Variants in AKAP13 observed in about 807,000 individuals in gnomAD.
AKAP13 encodes the protein A-kinase anchor protein 13.
A neutral mutation model predicts 264.5 loss-of-function variants in AKAP13; 80 were observed. The ratio of observed to expected loss-of-function variants is 0.30; its 90% CI spans 0.25 to 0.36. The LOEUF is 0.36. Ranked by LOEUF, AKAP13 falls within the 10% of genes least tolerant of loss-of-function variation. AKAP13 has a pLI of 1.00. For synonymous variants in AKAP13, 1,380 were observed against 1,250.2 expected (o/e 1.10, Z -2.19); for missense variants, 3,712 against 3,435.2 (o/e 1.08, Z -2.01).
chr15:85,397,264 C>T (rs2071162853), intron 1 of AKAP13, among the ~76,000 whole-genome samples: 1 of 152,012 alleles, frequency 6.6e-6, no homozygotes, highest in African/African-American at 2.4e-5. Flanking sequence ...AATATTATGT[C>T]CTAAGTGCAT....
chr15:85,481,950 T>TA (rs888084850), intron 1 of AKAP13, among the ~76,000 whole-genome samples: 5 of 152,308 alleles, frequency 3.3e-5, no homozygotes, highest in African/African-American at 9.6e-5. Context: ...TTCATTTTGG[T>TA]AAAAAAATCT....
chr15:85,471,182 TA>T (rs1388619367), intron 1 of AKAP13, among the ~76,000 whole-genome samples: 5 of 152,210 alleles, frequency 3.3e-5, no homozygotes, highest in African/African-American at 1.2e-4. Flanking sequence ...TGTTTGAAGA[TA>T]TTTTTTAAAA....
At chr15:85,458,407 T>TTTTTTTTTTTTTTTTTTTG (rs2074372010) in intron 1 of AKAP13, among the ~76,000 whole-genome samples, 1 of 149,356 alleles carries the variant, frequency 6.7e-6, no homozygotes, top group Admixed American at 6.6e-5. Flanking sequence ...TTTTTTTTTT[T>TTTTTTTTTTTTTTTTTTTG]TACTATATAT....
In AKAP13 at chr15:85,466,693, AT is replaced by A. The variant is rs2074754356; in HGVS notation, c.-11-19015del. On this transcript the variant is annotated intron_variant, in intron 1 of 36. Transcript: ENST00000394518. ...TTTGTACTGTCTAGCACTGCATCTT[AT>A]TCATCATAATGGGCACACAGTACTT... Among the ~76,000 whole-genome samples the A allele has an allele frequency of 2.0e-5, 3 of 152,194 alleles. 1 individual carries two copies. In the South Asian group the frequency reaches 6.2e-4, roughly 32 times the overall value.
intron 1 of AKAP13, among the ~76,000 whole-genome samples, chr15:85,387,863 A>G (rs1327380920): frequency 6.6e-6 from 1 of 152,166 alleles, no homozygotes; most frequent in Admixed American, 6.5e-5. Context: ...TTGCTGGTAT[A>G]TAGAAAGATC....
chr15:85,464,975 C>G (rs2074668540), intron 1 of AKAP13, among the ~76,000 whole-genome samples: 1 of 152,172 alleles, frequency 6.6e-6, no homozygotes, highest in Non-Finnish European at 1.5e-5. Context: ...GAGCCTTGCT[C>G]TGTCGCCCAG....
At chr15:85,644,536 C>T (rs1457160137) in intron 9 of AKAP13, among the ~76,000 whole-genome samples, 6 of 150,808 alleles carry the variant, frequency 4.0e-5, no homozygotes, top group South Asian at 2.1e-4. Flanking sequence ...CCACCATGCC[C>T]GGCCATGACT....
Position 85,533,652 on chromosome 15 carries a change from G to T in AKAP13, c.250G>T (p.Val84Leu). 6.2e-7 allele frequency: 1 copy of T among 1,614,188 alleles called. No homozygotes were observed. The highest frequency in any genetic ancestry group is 8.5e-7 in the Non-Finnish European group (1 of 1,180,024). The change falls in exon 4 of 37, where the codon GTG (valine) becomes TTG (leucine). Residue 84 changes from valine (V) to leucine (L), a missense_variant. By Grantham distance (32) the Val-to-Leu change is conservative. Transcript: ENST00000394518. ...CAAAGAGGGCCTTCCCGTGTTTGTG[G>T]TGGCTGAAGAAGACTTTCATTTCGT... Reference protein sequence around the residue: ...ASKEGLPVFVVAEEDFHFVQD... With the variant: ...ASKEGLPVFVLAEEDFHFVQD...
At chr15:85,649,083 G>C (rs534614444) in intron 10 of AKAP13, among the ~76,000 whole-genome samples, 1 of 152,178 alleles carries the variant, frequency 6.6e-6, no homozygotes, top group African/African-American at 2.4e-5. Context: ...AAAAAGGAGA[G>C]AGACTAATAT....
chr15:85,521,987 G>T (rs1205551440), intron 3 of AKAP13, among the ~76,000 whole-genome samples: 1 of 152,120 alleles, frequency 6.6e-6, no homozygotes, highest in Non-Finnish European at 1.5e-5. Flanking sequence ...CATAGATACC[G>T]ATTTCTTTTC....
At chr15:85,542,096 A>T (rs1166594151) in intron 4 of AKAP13, among the ~76,000 whole-genome samples, 4 of 152,220 alleles carry the variant, frequency 2.6e-5, no homozygotes, top group Non-Finnish European at 5.9e-5. Flanking sequence ...TTTGTTCTTG[A>T]TAAGGATGTC....
intron 14 of AKAP13, among the ~76,000 whole-genome samples, chr15:85,681,834 A>T (rs764472639): frequency 6.6e-6 from 1 of 152,088 alleles, no homozygotes; most frequent in Admixed American, 6.6e-5. Context: ...GTTTGTGCAA[A>T]CTGAAGATTG....
chr15:85,684,283 G>A (rs1364441898), intron 15 of AKAP13: 1 of 152,172 alleles, frequency 6.6e-6, no homozygotes, highest in African/African-American at 2.4e-5. Context: ...TTAAAAATGG[G>A]CCAGGCGGTA....
intron 8 of AKAP13, among the ~76,000 whole-genome samples, chr15:85,616,228 G>T (rs2080929881): frequency 6.6e-6 from 1 of 152,182 alleles, no homozygotes; most frequent in Non-Finnish European, 1.5e-5. Context: ...AAACTTTGCT[G>T]TGAGACTCCA....
At chr15:85,554,617 G>A (rs191753194) in intron 5 of AKAP13, among the ~76,000 whole-genome samples, 5 of 151,918 alleles carry the variant, frequency 3.3e-5, no homozygotes, top group Admixed American at 3.3e-4. Context: ...ATACTCAGAA[G>A]TTGCCTTCTT....
chr15:85,743,288 C>T (rs2089191583), intron 35 of AKAP13, among the ~76,000 whole-genome samples: 1 of 152,106 alleles, frequency 6.6e-6, no homozygotes, highest in Non-Finnish European at 1.5e-5. Flanking sequence ...ATATTTTTAA[C>T]ATGTTTATAG....
At chr15:85,619,510 C>G (rs2081081964) in intron 8 of AKAP13, 1 of 985,376 alleles carries the variant, frequency 1.0e-6, no homozygotes, top group Non-Finnish European at 1.2e-6. Context: ...CTCCCAGCTT[C>G]TACTTTTTTT....
chr15:85,665,997 T>C (rs2083574575), intron 13 of AKAP13, among the ~76,000 whole-genome samples: 1 of 152,240 alleles, frequency 6.6e-6, no homozygotes, highest in Non-Finnish European at 1.5e-5. Context: ...CATGTGCATG[T>C]GTCTTTATAG....
chr15:85,458,424 A>T, intron 1 of AKAP13, among the ~76,000 whole-genome samples: 1 of 117,664 alleles, frequency 8.5e-6, no homozygotes. Context: ...ATATGTATGG[A>T]GTGCAACACA....
Sources: gnomAD v4.1 joint callset for allele counts (sites outside exome capture counted in the v4.1 genomes callset) on GRCh38, gnomAD v4.1.1 for gene constraint, MANE v1.5 for transcripts, NCBI Gene and HGNC (gene_info 2026-07-23, HGNC 2026-07-21) for gene names.